The following SIGLEC14 variants were observed in gnomAD, a reference collection of about 807,000 sequenced individuals.
SIGLEC14 encodes the protein sialic acid binding Ig like lectin 14.
Under a neutral mutation model 34.2 loss-of-function variants are expected in SIGLEC14, and 11 were observed. The observed-to-expected ratio is 0.32, with a 90% CI of 0.20 to 0.53. The LOEUF (loss-of-function observed/expected upper bound fraction) is 0.53. SIGLEC14 is among the 20% of genes least tolerant of loss of function. The probability of loss-of-function intolerance (pLI) is 0.95; values close to 1 mark genes in which losing one functional copy is unlikely to be tolerated. For missense variants in SIGLEC14, 264 were observed against 439.0 expected, an observed-to-expected ratio of 0.60 and a Z score of 3.56; for synonymous variants, 99 against 179.7, an observed-to-expected ratio of 0.55 and a Z score of 3.59.
chr19:51,643,617 G>A lies in SIGLEC14; in HGVS notation c.1068C>T (p.Leu356=), dbSNP rs199787318. The change falls in exon 6 of 7, where the codon CTC becomes CTT. Residue 356 remains leucine (L), a synonymous_variant. Transcript: ENST00000360844. ...VTEKQQGSWP[L]VLTLIRGALM... ...GAGCCCCCCTGATCAGGGTGAGGAC[G>A]AGGGGCCAGGAGCCCTGCTGTTTCT... 1.6e-5 allele frequency: 24 copies of A among 1,530,712 alleles called. 5 individuals are homozygous for A. Among genetic ancestry groups the A allele is most frequent in the African/African-American group, 1.2e-4 (8 of 66,738 alleles). 94.8% of individuals were successfully genotyped at this position (1,530,712 alleles called of 1,614,324 possible). A position where few individuals can be genotyped will look rare whatever the true frequency, so the allele number is the denominator to read the frequency against.
intron 3 of SIGLEC14, 27 bp downstream of exon 3, chr19:51,645,755 C>T (rs1359075997): frequency 6.6e-7 from 1 of 1,519,510 alleles, no homozygotes; most frequent in Non-Finnish European, 8.8e-7. Context: ...CCCTTGGGGA[C>T]TCAGCTGTGT....
chr19:51,643,947 CA>C lies in SIGLEC14; in HGVS notation c.843del (p.Ala282ProfsTer3), dbSNP rs1983971457. On this transcript the variant is annotated frameshift_variant, in exon 5 of 7. Transcript: ENST00000360844. LOFTEE classifies it high-confidence loss of function. ...CCCTCCCGGAACCAGCTCAGTGAGG[CA>C]GGGGGGTTGCTGTCAACTGTGCAGG... ...FLACTVDSNP[P>X]ASLSWFREGK... The C allele has an allele frequency of 6.5e-7, 1 of 1,533,754 alleles. No individual in the cohort carries two copies. The highest frequency in any genetic ancestry group is 1.2e-5 in the South Asian group (1 of 83,238).
At chr19:51,643,459 GC>G in intron 6 of SIGLEC14, 62 bp from the exon 7 acceptor site, 2 of 1,380,760 alleles carry the variant, frequency 1.4e-6, no homozygotes, top group Non-Finnish European at 9.5e-7. Flanking sequence ...TCCAGGTGGG[GC>G]TGAGCTGTCC....
Position 51,644,037 on chromosome 19 carries a change from C to A in SIGLEC14, c.755-1G>T, listed in dbSNP as rs767349504. 16 of 1,501,240 alleles carry A rather than the reference C, an allele frequency of 1.1e-5. 4 individuals carry two copies. The highest frequency in any genetic ancestry group is 1.4e-5 in the Non-Finnish European group (16 of 1,123,868). 93.0% of individuals were successfully genotyped at this position (1,501,240 alleles called of 1,614,324 possible). A position where few individuals can be genotyped will look rare whatever the true frequency, so the allele number is the denominator to read the frequency against. ...ATGCCATTGCTCAGGATCCGCAGGG[C>A]TGGGAAAGAGAAGCACAGCCAGGTG... On this transcript the variant is annotated splice_acceptor_variant, in intron 4 of 6. Transcript: ENST00000360844. LOFTEE classifies it high-confidence loss of function.
Position 51,645,829 on chromosome 19 carries a change from T to C in SIGLEC14, c.653A>G (p.Gln218Arg), listed in dbSNP as rs745374114. 4 of 1,529,302 alleles carry C rather than the reference T, an allele frequency of 2.6e-6. No individual in the cohort carries two copies. The highest frequency in any genetic ancestry group is 1.2e-5 in the South Asian group (1 of 82,994). The allele number at this position is 1,529,302 out of a possible 1,614,324, so 94.7% of individuals were successfully genotyped here. The change falls in exon 3 of 7, where the codon CAA becomes CGA. Residue 218 changes from glutamine to arginine, a missense_variant. Physicochemically the swap from Gln to Arg is conservative, Grantham distance 43. This residue lies in a region of SIGLEC14 where 45 missense variants were observed against 96.7 expected (regional missense o/e 0.47). Transcript: ENST00000360844. ...TCTCTCCGTGGTCACCTGAGCTCCT[T>C]GGCGTTTCACCTGACAGGTGAGGTT... ...GTNLTCQVKR[Q>R]GAQVTTERTV...
rs1379256599 is a variant in SIGLEC14 at position 51,641,170 on chromosome 19, A to G, written c.*2185T>C. On this transcript the variant is annotated 3_prime_UTR_variant, in exon 7 of 7. Transcript: ENST00000360844. ...AATAGACTGAGCTGGTAGACAAAAAAGTTACCAGCTATAAAACTGAACACC... is the reference window on the plus strand; with the variant it reads ...AATAGACTGAGCTGGTAGACAAAAAGGTTACCAGCTATAAAACTGAACACC... Among the ~76,000 whole-genome samples the G allele has an allele frequency of 1.4e-5, 2 of 138,732 alleles. No individual in the cohort carries two copies. The highest frequency in any genetic ancestry group is 5.5e-5 in the African/African-American group (2 of 36,466). 91.0% of individuals were successfully genotyped at this position (138,732 alleles called of 152,430 possible). A position where few individuals can be genotyped will look rare whatever the true frequency, so the allele number is the denominator to read the frequency against.
chr19:51,645,777 C>G lies in SIGLEC14; in HGVS notation c.700+5G>C, dbSNP rs752642978. ...GGACTCAGCTGTGTCCCCAGCACCA[C>G]TCACAGGAGACATTGAGCTGGACAG... On this transcript the variant is annotated splice_donor_5th_base_variant and intron_variant, in intron 3 of 6. Transcript: ENST00000360844. 3.9e-6 allele frequency: 6 copies of G among 1,527,878 alleles called. 2 individuals are homozygous for G. Among genetic ancestry groups the G allele is most frequent in the South Asian group, 3.6e-5 (3 of 82,820 alleles). 94.6% of individuals were successfully genotyped at this position (1,527,878 alleles called of 1,614,324 possible).
In SIGLEC14 at chr19:51,642,208, G is replaced by A. The variant is rs1272556258; in HGVS notation, c.*1147C>T. Among the ~76,000 whole-genome samples the A allele has an allele frequency of 7.2e-6, 1 of 138,808 alleles. No individual in the cohort carries two copies. Among genetic ancestry groups the A allele is most frequent in the Non-Finnish European group, 1.5e-5 (1 of 64,922 alleles). The allele number at this position is 138,808 out of a possible 152,430, so 91.1% of individuals were successfully genotyped here. On this transcript the variant is annotated 3_prime_UTR_variant, in exon 7 of 7. Transcript: ENST00000360844. ...AAATGCAGAACCAGTGGATACAGAA[G>A]GCTGACTGTACGATATTAAAAGCAA...
Position 51,641,864 on chromosome 19 carries a change from G to T in SIGLEC14, c.*1491C>A, listed in dbSNP as rs1983912851. Among the ~76,000 whole-genome samples, 1 of 138,634 alleles carries T rather than the reference G, an allele frequency of 7.2e-6. No homozygotes were observed. The highest frequency in any genetic ancestry group is 6.9e-5 in the Admixed American group (1 of 14,456). 90.9% of individuals were successfully genotyped at this position (138,634 alleles called of 152,430 possible). ...GTACTAGGCTTAATATCTGGGTGAT[G>T]CAATAATCTGTACAACAAACTCCCA... On this transcript the variant is annotated 3_prime_UTR_variant, in exon 7 of 7. Coordinates refer to ENST00000360844, the MANE Select transcript of SIGLEC14 (RefSeq NM_001098612.3).
chr19:51,643,265 A>ACTT lies in SIGLEC14; in HGVS notation c.*89_*90insAAG. 1 of 1,249,128 alleles carries ACTT rather than the reference A, an allele frequency of 8.0e-7. No individual in the cohort carries two copies. The highest frequency in any genetic ancestry group is 1.1e-6 in the Non-Finnish European group (1 of 896,468). The allele number at this position is 1,249,128 out of a possible 1,614,324, so 77.4% of individuals were successfully genotyped here. On this transcript the variant is annotated 3_prime_UTR_variant, in exon 7 of 7. Transcript: ENST00000360844. ...AAAGAGGGGTAGTCAGTGGGATGTG[A>ACTT]GCTTCCAGAAAGAAGCTGACAGTGA...
Position 51,643,861 on chromosome 19 carries a change from T to C in SIGLEC14, c.930A>G (p.Gly310=). Residue 310 remains glycine, a synonymous_variant, in exon 5 of 7, where the codon GGA becomes GGG. Transcript: ENST00000360844. The part of the protein sequence containing the change: ...MSGTLELPNI[G]AREGGEFTCR... ...AGGTGAATTCCCCTCCCTCTCTAGCTCCTATGTTAGGCAGCTCCAGGGTCC... is the reference window on the plus strand; with the variant it reads ...AGGTGAATTCCCCTCCCTCTCTAGCCCCTATGTTAGGCAGCTCCAGGGTCC... 1 of 1,532,768 alleles carries C rather than the reference T, an allele frequency of 6.5e-7. No homozygotes were observed. The highest frequency in any genetic ancestry group is 8.8e-7 in the Non-Finnish European group (1 of 1,140,910). 94.9% of individuals were successfully genotyped at this position (1,532,768 alleles called of 1,614,324 possible).
chr19:51,643,459 G>GGGGGGGGGGGGGGGGGGGGGGC, intron 6 of SIGLEC14, 62 bp from the exon 7 acceptor site: 1 of 1,380,758 alleles, frequency 7.2e-7, no homozygotes, highest in African/African-American at 1.7e-5. Context: ...TCCAGGTGGG[G>GGGGGGGGGGGGGGGGGGGGGGC]CTGAGCTGTC....
chr19:51,645,330 C>A, intron 4 of SIGLEC14, 147 bp downstream of exon 4: 1 of 648,204 alleles, frequency 1.5e-6, no homozygotes, highest in Non-Finnish European at 2.6e-6. Context: ...CGTGCAAGAT[C>A]TTAGTGACTG....
chr19:51,644,660 G>T lies in SIGLEC14; in HGVS notation c.755-624C>A, dbSNP rs76025857. Among the ~76,000 whole-genome samples, 2,566 of 137,152 alleles carry T rather than the reference G, an allele frequency of 0.019. 786 individuals carry two copies. In the East Asian group the frequency reaches 0.51, roughly 27 times the overall value. 90.0% of individuals were successfully genotyped at this position (137,152 alleles called of 152,430 possible). On this transcript the variant is annotated intron_variant, in intron 4 of 6. Coordinates refer to ENST00000360844, the MANE Select transcript of SIGLEC14 (RefSeq NM_001098612.3). ...GGGAAGTGATGATTGGTGAAGTAAA[G>T]GTGTTAAGACTTGCGGACTCATGAA...
At chr19:51,643,460 C>T in intron 6 of SIGLEC14, 63 bp from the exon 7 acceptor site, 2 of 1,244,800 alleles carry the variant, frequency 1.6e-6, no homozygotes, top group South Asian at 1.5e-5. Flanking sequence ...CCAGGTGGGG[C>T]TGAGCTGTCC....
intron 6 of SIGLEC14, 50 bp downstream of exon 6, chr19:51,643,487 A>AACCCCCCC: frequency 7.7e-7 from 1 of 1,299,166 alleles, no homozygotes; most frequent in Non-Finnish European, 1.0e-6. Context: ...AGGACAGCTC[A>AACCCCCCC]GCCCCACCTG....
At position 51,640,992 on chromosome 19, in the gene SIGLEC14, T is replaced by A. The variant is rs989556727; in HGVS notation, c.*2363A>T. Among the ~76,000 whole-genome samples, 2 of 138,958 alleles carry A rather than the reference T, an allele frequency of 1.4e-5. 1 individual carries two copies. Among genetic ancestry groups the A allele is most frequent in the East Asian group, 6.6e-4 (2 of 3,020 alleles). 91.2% of individuals were successfully genotyped at this position (138,958 alleles called of 152,430 possible). A position where few individuals can be genotyped will look rare whatever the true frequency, so the allele number is the denominator to read the frequency against. ...CTCTGTCTCAAAAAAAAATTTTTTT[T>A]AAGTTGATTCTTTAAGAAGACATGA... On this transcript the variant is annotated 3_prime_UTR_variant, in exon 7 of 7. Coordinates refer to ENST00000360844, the MANE Select transcript of SIGLEC14 (RefSeq NM_001098612.3).
In SIGLEC14 at chr19:51,643,108, T is replaced by C; in HGVS notation, c.*247A>G. ...CGAAAGTACATTCCCTTCACAGGGC[T>C]GGAGATGGTGGATGGAGAGGGAAGA... is the stretch of plus-strand genomic sequence containing the variant. On this transcript the variant is annotated 3_prime_UTR_variant, in exon 7 of 7. Coordinates refer to ENST00000360844, the MANE Select transcript of SIGLEC14 (RefSeq NM_001098612.3). The C allele has an allele frequency of 2.4e-6, 1 of 412,690 alleles. No individual in the cohort carries two copies. 25.6% of individuals were successfully genotyped at this position (412,690 alleles called of 1,614,324 possible).
At position 51,645,636 on chromosome 19, in the gene SIGLEC14, G is replaced by C. The variant is rs564289784; in HGVS notation, c.701-106C>G. 4.8e-6 allele frequency: 7 copies of C among 1,444,176 alleles called. 1 individual carries two copies. In the South Asian group the frequency reaches 7.6e-5, roughly 16 times the overall value. 89.5% of individuals were successfully genotyped at this position (1,444,176 alleles called of 1,614,324 possible). On this transcript the variant is annotated intron_variant, in intron 3 of 6. Coordinates refer to ENST00000360844, the MANE Select transcript of SIGLEC14 (RefSeq NM_001098612.3). The stretch of plus-strand genomic sequence containing the variant: ...CACAGAAACCCACCAGGTGGGGACC[G>C]CTGTCCTTCCTGCCCACACACGAGT...
Sources: allele counts gnomAD v4.1 joint callset (sites outside exome capture counted in the v4.1 genomes callset), GRCh38; gene constraint gnomAD v4.1.1; regional missense constraint gnomAD v4.1.1; transcripts MANE v1.5; gene names NCBI Gene and HGNC (gene_info 2026-07-23, HGNC 2026-07-21).